The following TMEFF2 variants were observed in gnomAD, a reference collection of about 807,000 sequenced individuals.
TMEFF2 encodes the protein transmembrane protein with EGF like and two follistatin like domains 2, also known as tomoregulin-2.
TMEFF2 carries 28 observed loss-of-function variants against 53.8 expected under a neutral mutation model. The observed-to-expected ratio is 0.52, with a 90% CI of 0.39 to 0.71. The LOEUF (loss-of-function observed/expected upper bound fraction) is 0.71. Among genes scored for constraint, TMEFF2 ranks in the 30% least tolerant of loss-of-function variants. The pLI is 0.00. For missense variants in TMEFF2, 353 were observed against 455.2 expected (o/e 0.78, Z 2.04); for synonymous variants, 162 against 166.3 (o/e 0.97, Z 0.20).
chr2:192,155,833 A>G (rs1690494590), intron 4 of TMEFF2, among the ~76,000 whole-genome samples: 1 of 152,028 alleles, frequency 6.6e-6, no homozygotes, highest in Non-Finnish European at 1.5e-5. Context: ...GAGGCCTAAC[A>G]CTTGTTTTTA....
At chr2:192,024,610 A>G (rs1031610233) in intron 5 of TMEFF2, among the ~76,000 whole-genome samples, 59 of 152,352 alleles carry the variant, frequency 3.9e-4, no homozygotes, top group African/African-American at 1.4e-3. Flanking sequence ...TTTAAAATAT[A>G]TACTCGCGGA....
intron 4 of TMEFF2, among the ~76,000 whole-genome samples, chr2:192,102,547 C>T (rs962585133): frequency 6.6e-6 from 1 of 151,848 alleles, no homozygotes; most frequent in African/African-American, 2.4e-5. Context: ...CTAGATATCT[C>T]CATGGCTCCC....
chr2:192,133,579 G>C (rs190603863), intron 4 of TMEFF2, among the ~76,000 whole-genome samples: 11 of 152,238 alleles, frequency 7.2e-5, no homozygotes, highest in Admixed American at 7.2e-4. Context: ...AAATTGTTTT[G>C]CCTATCCACC....
At chr2:192,003,924 T>TGGGG (rs762519094) in intron 5 of TMEFF2, among the ~76,000 whole-genome samples, 2 of 98,530 alleles carry the variant, frequency 2.0e-5, no homozygotes, top group African/African-American at 4.5e-5. Flanking sequence ...TTTGTGTGTG[T>TGGGG]GTGTGGGGGG....
At chr2:192,173,037 T>C (rs1249717805) in intron 4 of TMEFF2, among the ~76,000 whole-genome samples, 1 of 151,882 alleles carries the variant, frequency 6.6e-6, no homozygotes, top group Non-Finnish European at 1.5e-5. Context: ...GGTTCAAAAA[T>C]ACAGTTAAAT....
intron 7 of TMEFF2, among the ~76,000 whole-genome samples, chr2:191,972,308 CTTTTTT>C (rs764218539): frequency 4.1e-5 from 3 of 72,830 alleles, no homozygotes; most frequent in African/African-American, 1.2e-4. Flanking sequence ...TCATGCCCAG[CTTTTTT>C]TTTTTTTTTT....
chr2:192,039,315 A>C (rs534441206), intron 5 of TMEFF2, among the ~76,000 whole-genome samples: 1 of 152,230 alleles, frequency 6.6e-6, no homozygotes, highest in Non-Finnish European at 1.5e-5. Flanking sequence ...GAAGTCTTAT[A>C]AGTAAATTTA....
chr2:192,191,804 T>A (rs755309226), intron 2 of TMEFF2, 76 bp downstream of exon 2: 4 of 1,063,094 alleles, frequency 3.8e-6, no homozygotes, highest in Non-Finnish European at 5.6e-6. Flanking sequence ...AATTTCCAAG[T>A]GATAGGCTGT....
intron 5 of TMEFF2, among the ~76,000 whole-genome samples, chr2:192,002,069 C>T (rs1272656309): frequency 6.6e-6 from 1 of 151,794 alleles, no homozygotes; most frequent in Non-Finnish European, 1.5e-5. Context: ...ATTTTGGTCC[C>T]ACAGCTTTTC....
At chr2:192,111,480 T>A (rs1349551152) in intron 4 of TMEFF2, among the ~76,000 whole-genome samples, 2 of 152,156 alleles carry the variant, frequency 1.3e-5, no homozygotes, top group Admixed American at 6.6e-5. Context: ...ATGGAAGACA[T>A]TTCTAAGCAG....
chr2:192,098,835 A>C (rs1057293874), intron 4 of TMEFF2, among the ~76,000 whole-genome samples: 4 of 152,202 alleles, frequency 2.6e-5, no homozygotes, highest in Non-Finnish European at 4.4e-5. Context: ...ATTTTAGAAT[A>C]AGTCTTGAGA....
At chr2:192,007,509 T>C (rs935006813) in intron 5 of TMEFF2, among the ~76,000 whole-genome samples, 1 of 152,156 alleles carries the variant, frequency 6.6e-6, no homozygotes, top group African/African-American at 2.4e-5. Flanking sequence ...GGGAAATGTA[T>C]GGAGGAAGAC....
chr2:192,168,240 T>A (rs1021975577), intron 4 of TMEFF2, among the ~76,000 whole-genome samples: 1 of 152,130 alleles, frequency 6.6e-6, no homozygotes, highest in African/African-American at 2.4e-5. Context: ...CCAAGTAATA[T>A]GCTTTGATGG....
intron 4 of TMEFF2, among the ~76,000 whole-genome samples, chr2:192,124,634 C>T (rs1368668072): frequency 6.6e-6 from 1 of 152,150 alleles, no homozygotes; most frequent in Non-Finnish European, 1.5e-5. Flanking sequence ...ATGTGGTCAA[C>T]CTCAGAGAAA....
intron 4 of TMEFF2, among the ~76,000 whole-genome samples, chr2:192,065,521 G>A (rs1345668297): frequency 6.6e-6 from 1 of 151,760 alleles, no homozygotes; most frequent in Non-Finnish European, 1.5e-5. Context: ...CACATTTTAT[G>A]CAGATATTAA....
intron 7 of TMEFF2, among the ~76,000 whole-genome samples, chr2:191,995,834 A>G (rs73033598): frequency 0.028 from 4,308 of 152,102 alleles, 167 homozygotes; most frequent in African/African-American, 0.085. Context: ...CCTGTCTTAT[A>G]CTTGGATTTC....
chr2:192,159,881 A>T (rs1412592497), intron 4 of TMEFF2, among the ~76,000 whole-genome samples: 1 of 152,154 alleles, frequency 6.6e-6, no homozygotes, highest in Admixed American at 6.6e-5. Context: ...AGTTCTTTGG[A>T]AATCTCAAAG....
chr2:192,059,282 G>T (rs773622504), intron 4 of TMEFF2, among the ~76,000 whole-genome samples: 1 of 151,026 alleles, frequency 6.6e-6, no homozygotes, highest in Non-Finnish European at 1.5e-5. Flanking sequence ...AAAAAAAAAG[G>T]TGTCCTCCCC....
intron 3 of TMEFF2, 79 bp downstream of exon 3, chr2:192,184,275 G>A (rs184483754): frequency 1.3e-6 from 2 of 1,522,634 alleles, no homozygotes; most frequent in Admixed American, 3.5e-5. Flanking sequence ...TTATTTATTG[G>A]GAGATAACAA....
Sources: allele counts gnomAD v4.1 joint callset (sites outside exome capture counted in the v4.1 genomes callset), GRCh38; gene constraint gnomAD v4.1.1; transcripts MANE v1.5; gene names NCBI Gene and HGNC (gene_info 2026-07-23, HGNC 2026-07-21).